DLC1: variants seen among roughly 807,000 people sequenced by gnomAD.
DLC1 encodes rho GTPase-activating protein 7.
DLC1 carries 54 observed loss-of-function variants against 140.3 expected under a neutral mutation model. The ratio of observed to expected loss-of-function variants is 0.38; its 90% CI spans 0.31 to 0.48. DLC1 has a LOEUF of 0.48. Ranked by LOEUF, DLC1 falls within the 20% of genes least tolerant of loss-of-function variation. DLC1 has a pLI of 0.96. For synonymous variants in DLC1, 986 were observed against 728.1 expected (o/e 1.35, Z -5.70); for missense variants, 2,536 against 1,907.0 (o/e 1.33, Z -6.14).
chr8:13,103,311 A>AAAATAAAT (rs59262199), intron 7 of DLC1, among the ~76,000 whole-genome samples: 32 of 143,058 alleles, frequency 2.2e-4, no homozygotes, highest in African/African-American at 2.8e-4. Context: ...ACTCCTTCTC[A>AAAATAAAT]AAATAAATAA....
rs187359454 is a variant in DLC1 at position 13,356,041 on chromosome 8, G to T, written c.1314+37512C>A. Among the ~76,000 whole-genome samples, 83 of 123,664 alleles carry T rather than the reference G, an allele frequency of 6.7e-4. No homozygotes were observed. The Admixed American group carries it at 7.6e-3, about 11-fold the overall frequency. The allele number at this position is 123,664 out of a possible 152,430, so 81.1% of individuals were successfully genotyped here. On this transcript the variant is annotated intron_variant, in intron 4 of 17. Transcript: ENST00000276297. ...GGAGGCGGAGGTTGCAGTGAGCCGG[G>T]ATCGCGCCACTGCACTGCAGCCTGA...
chr8:13,453,162 T>C (rs2116979723), intron 2 of DLC1, among the ~76,000 whole-genome samples: 2 of 150,166 alleles, frequency 1.3e-5, no homozygotes, highest in Admixed American at 6.7e-5. Flanking sequence ...ATTCTAAAAA[T>C]ATATAATTAT....
intron 1 of DLC1, among the ~76,000 whole-genome samples, chr8:13,602,106 C>A (rs1805907329): frequency 6.6e-6 from 1 of 151,702 alleles, no homozygotes; most frequent in Admixed American, 6.6e-5. Context: ...TCTCTAGCCT[C>A]AAATAGCAGT....
chr8:13,257,521 CT>C (rs984030070), intron 5 of DLC1, among the ~76,000 whole-genome samples: 7 of 150,838 alleles, frequency 4.6e-5, no homozygotes, highest in Admixed American at 1.3e-4. Flanking sequence ...TAGAGATGAT[CT>C]TGACCAATAT....
chr8:13,349,062 A>T (rs1380733214), intron 4 of DLC1, among the ~76,000 whole-genome samples: 1 of 152,148 alleles, frequency 6.6e-6, no homozygotes, highest in Non-Finnish European at 1.5e-5. Flanking sequence ...TGCACAGTCG[A>T]TTTCCTGTCC....
chr8:13,231,322 T>C (rs1015067579), intron 5 of DLC1, among the ~76,000 whole-genome samples: 2 of 152,308 alleles, frequency 1.3e-5, no homozygotes, highest in African/African-American at 4.8e-5. Flanking sequence ...AGCATTAACC[T>C]TGGAGTCAAA....
chr8:13,318,875 A>C (rs573739948), intron 4 of DLC1, among the ~76,000 whole-genome samples: 2 of 152,340 alleles, frequency 1.3e-5, no homozygotes, highest in South Asian at 4.1e-4. Context: ...GGGAGAAATC[A>C]TAGTTTTTAT....
At chr8:13,513,129 C>T (rs1802452085) in intron 1 of DLC1, among the ~76,000 whole-genome samples, 1 of 152,064 alleles carries the variant, frequency 6.6e-6, no homozygotes, top group African/African-American at 2.4e-5. Context: ...TGTGGTTCTG[C>T]TGTCCTCTCT....
Position 13,468,811 on chromosome 8 carries a change from C to CTTTTTTTTTTTTTTTTTTTTT in DLC1, c.1023+30217_1023+30237dup, listed in dbSNP as rs78775803. Among the ~76,000 whole-genome samples the CTTTTTTTTTTTTTTTTTTTTT allele has an allele frequency of 2.0e-4, 18 of 89,960 alleles. 1 individual carries two copies. The highest frequency in any genetic ancestry group is 8.3e-4 in the East Asian group (2 of 2,412). 59.0% of individuals were successfully genotyped at this position (89,960 alleles called of 152,430 possible). The stretch of plus-strand genomic sequence containing the variant: ...GTTGATTCTCCCAATTTTATGTCTG[C>CTTTTTTTTTTTTTTTTTTTTT]TTTTTTTTTTTTTTTTTTTTTTTTT... On this transcript the variant is annotated intron_variant, in intron 2 of 17. Transcript: ENST00000276297.
At chr8:13,492,498 CTG>C (rs2117170560) in intron 2 of DLC1, among the ~76,000 whole-genome samples, 1 of 148,068 alleles carries the variant, frequency 6.8e-6, no homozygotes, top group South Asian at 2.3e-4. Flanking sequence ...CTTACTCTCT[CTG>C]TCTCTCTCTC....
chr8:13,492,211 G>GATAC (rs111491344), intron 2 of DLC1, among the ~76,000 whole-genome samples: 6,525 of 152,078 alleles, frequency 0.043, 406 homozygotes, highest in African/African-American at 0.14. Flanking sequence ...GCCTGTTGGA[G>GATAC]ATACAGCCCA....
intron 2 of DLC1, among the ~76,000 whole-genome samples, chr8:13,484,081 A>G (rs1287574111): frequency 1.3e-5 from 2 of 152,200 alleles, no homozygotes; most frequent in Non-Finnish European, 2.9e-5. Flanking sequence ...CTCTGTCTCA[A>G]AATAAATAAA....
In DLC1 at chr8:13,084,894, T is replaced by C. The variant is rs1024894420; in HGVS notation, c.*917A>G. 6.6e-6 allele frequency: 1 copy of C among 152,240 alleles called. No homozygotes were observed. Among genetic ancestry groups the C allele is most frequent in the East Asian group, 1.9e-4 (1 of 5,202 alleles). 9.4% of individuals were successfully genotyped at this position (152,240 alleles called of 1,614,324 possible). ...AATTCTAACAGGGAAAAAGTGTTGA[T>C]GCTTGATTTAAGAGTAAGTGTTATC... On this transcript the variant is annotated 3_prime_UTR_variant, in exon 18 of 18. Transcript: ENST00000276297.
intron 5 of DLC1, among the ~76,000 whole-genome samples, chr8:13,237,254 C>T (rs566838821): frequency 1.6e-5 from 2 of 126,112 alleles, no homozygotes; most frequent in South Asian, 5.0e-4. Context: ...CACACACACA[C>T]ATATATGTGA....
intron 4 of DLC1, among the ~76,000 whole-genome samples, chr8:13,307,828 T>C (rs562184372): frequency 6.6e-6 from 1 of 152,308 alleles, no homozygotes; most frequent in African/African-American, 2.4e-5. Context: ...GGTCATGCTG[T>C]CACTAACGGA....
chr8:13,395,434 G>A (rs1333555548), intron 3 of DLC1, among the ~76,000 whole-genome samples: 1 of 151,976 alleles, frequency 6.6e-6, no homozygotes, highest in African/African-American at 2.4e-5. Context: ...TATAATTCTT[G>A]TCTGTCTTCC....
At chr8:13,304,581 A>G in intron 5 of DLC1, 2 of 731,002 alleles carry the variant, frequency 2.7e-6, no homozygotes, top group Non-Finnish European at 3.3e-6. Context: ...TAAAAATCAC[A>G]AATGTCTACA....
intron 1 of DLC1, among the ~76,000 whole-genome samples, chr8:13,597,820 CT>C (rs1237188139): frequency 1.3e-5 from 2 of 152,060 alleles, no homozygotes; most frequent in Non-Finnish European, 2.9e-5. Flanking sequence ...AACAAACAAA[CT>C]TATAGAAACA....
intron 5 of DLC1, among the ~76,000 whole-genome samples, chr8:13,258,739 A>C (rs753188885): frequency 6.6e-6 from 1 of 152,092 alleles, no homozygotes; most frequent in Non-Finnish European, 1.5e-5. Flanking sequence ...CTATCTTTCT[A>C]TTTCATTTCC....
Sources: gnomAD v4.1 joint callset for allele counts (sites outside exome capture counted in the v4.1 genomes callset) on GRCh38, gnomAD v4.1.1 for gene constraint, MANE v1.5 for transcripts, NCBI Gene and HGNC (gene_info 2026-07-23, HGNC 2026-07-21) for gene names.